ZSWIM5: variants seen among roughly 807,000 people sequenced by gnomAD.
ZSWIM5 encodes zinc finger SWIM domain-containing protein 5.
In ZSWIM5, 55 loss-of-function variants were observed where a neutral mutation model predicts 119.6. The ratio of observed to expected loss-of-function variants is 0.46; its 90% CI spans 0.37 to 0.58. The LOEUF (loss-of-function observed/expected upper bound fraction) is 0.58. Among genes scored for constraint, ZSWIM5 ranks in the 20% least tolerant of loss-of-function variants. ZSWIM5 has a pLI of 0.00. For missense variants in ZSWIM5, 1,193 were observed against 1,512.8 expected (o/e 0.79, Z 3.51); for synonymous variants, 537 against 606.9 (o/e 0.88, Z 1.69).
At chr1:45,142,493 A>G (rs1263127405) in intron 1 of ZSWIM5, among the ~76,000 whole-genome samples, 1 of 152,100 alleles carries the variant, frequency 6.6e-6, no homozygotes, top group Non-Finnish European at 1.5e-5. Context: ...CTTGGACCAC[A>G]GGTACATGCC....
chr1:45,128,178 AAAG>A (rs1645632214), intron 1 of ZSWIM5, among the ~76,000 whole-genome samples: 1 of 151,860 alleles, frequency 6.6e-6, no homozygotes, highest in Non-Finnish European at 1.5e-5. Flanking sequence ...AAATACGGAA[AAAG>A]AAGAATAAGG....
chr1:45,100,781 C>A (rs1570097745), intron 1 of ZSWIM5, among the ~76,000 whole-genome samples: 4 of 152,046 alleles, frequency 2.6e-5, no homozygotes, highest in Admixed American at 2.6e-4. Flanking sequence ...ACAAACCTGA[C>A]AAAAACAAGA....
At chr1:45,085,324 G>C (rs973123301) in intron 2 of ZSWIM5, among the ~76,000 whole-genome samples, 3 of 152,112 alleles carry the variant, frequency 2.0e-5, no homozygotes, top group Admixed American at 6.5e-5. Flanking sequence ...TGATGGGAGG[G>C]GCTGCCATGA....
At chr1:45,031,056 C>T (rs1184682845) in intron 11 of ZSWIM5, among the ~76,000 whole-genome samples, 1 of 152,038 alleles carries the variant, frequency 6.6e-6, no homozygotes, top group African/African-American at 2.4e-5. Flanking sequence ...ACCTCGGCTC[C>T]CACAGTGCTG....
chr1:45,168,744 T>G (rs1645926679), intron 1 of ZSWIM5, among the ~76,000 whole-genome samples: 3 of 151,806 alleles, frequency 2.0e-5, no homozygotes, highest in Non-Finnish European at 4.4e-5. Flanking sequence ...AAGTTAGTTT[T>G]GAAAATAGGA....
intron 1 of ZSWIM5, among the ~76,000 whole-genome samples, chr1:45,153,915 T>G (rs1411994077): frequency 1.3e-5 from 2 of 152,052 alleles, no homozygotes; most frequent in South Asian, 2.1e-4. Context: ...GGATACAAAA[T>G]TAATGTACAC....
At chr1:45,150,186 A>AAAAAAG (rs1435595134) in intron 1 of ZSWIM5, among the ~76,000 whole-genome samples, 15 of 150,662 alleles carry the variant, frequency 1.0e-4, no homozygotes, top group African/African-American at 2.7e-4. Context: ...AAAAAAAAAA[A>AAAAAAG]AAAAAGAAAA....
chr1:45,070,164 G>A, intron 2 of ZSWIM5: 2 of 1,256,806 alleles, frequency 1.6e-6, no homozygotes, highest in Middle Eastern at 1.9e-4. Flanking sequence ...GAAGCTGGAT[G>A]CAAGTCCTTC....
intron 1 of ZSWIM5, among the ~76,000 whole-genome samples, chr1:45,174,739 CA>C (rs1304741417): frequency 6.6e-6 from 1 of 150,996 alleles, no homozygotes; most frequent in Non-Finnish European, 1.5e-5. Context: ...GATTCTGTCT[CA>C]AAAAAAAGAA....
chr1:45,047,104 G>A (rs928925035), intron 5 of ZSWIM5, among the ~76,000 whole-genome samples: 25 of 152,040 alleles, frequency 1.6e-4, no homozygotes, highest in South Asian at 4.2e-4. Context: ...AAATGGGGTA[G>A]AGACAGTAAA....
intron 11 of ZSWIM5, among the ~76,000 whole-genome samples, chr1:45,021,099 G>A (rs534642837): frequency 1.3e-5 from 2 of 151,598 alleles, no homozygotes; most frequent in African/African-American, 4.8e-5. Context: ...GCAGTGGCTT[G>A]ATCTCGGCTC....
In ZSWIM5 at chr1:45,088,768, G is replaced by A. The variant is rs564903893; in HGVS notation, c.596-531C>T. Among the ~76,000 whole-genome samples the A allele has an allele frequency of 4.1e-4, 62 of 152,186 alleles. No individual in the cohort carries two copies. The highest frequency in any genetic ancestry group is 1.4e-3 in the African/African-American group (59 of 41,530). The stretch of plus-strand genomic sequence containing the variant: ...TCTTCTTTAAAACATAAAATTTCAC[G>A]TGGAATACATAAAAGGCAAGAAATT... On this transcript the variant is annotated intron_variant, in intron 1 of 13. Coordinates refer to ENST00000359600, the MANE Select transcript of ZSWIM5 (RefSeq NM_020883.2). The surrounding 1 kb of genome is among the most constrained non-coding windows in gnomAD (Gnocchi z 4.2).
chr1:45,160,424 C>T (rs1344205432), intron 1 of ZSWIM5, among the ~76,000 whole-genome samples: 4 of 152,120 alleles, frequency 2.6e-5, no homozygotes, highest in South Asian at 4.1e-4. Flanking sequence ...CTCTTTACCC[C>T]ACCTTCCTAC....
intron 11 of ZSWIM5, among the ~76,000 whole-genome samples, chr1:45,022,489 A>T (rs1644893873): frequency 6.6e-6 from 1 of 152,152 alleles, no homozygotes; most frequent in African/African-American, 2.4e-5. Context: ...TATGAATAGA[A>T]AATCTCCAGG....
intron 1 of ZSWIM5, among the ~76,000 whole-genome samples, chr1:45,129,979 C>T (rs1226728): frequency 0.15 from 22,627 of 151,962 alleles, 2,147 homozygotes; most frequent in African/African-American, 0.26. Context: ...CTCACTGCAA[C>T]CTCCGCCTCC....
intron 1 of ZSWIM5, among the ~76,000 whole-genome samples, chr1:45,192,826 T>A (rs902170674): frequency 1.3e-5 from 2 of 152,178 alleles, no homozygotes; most frequent in African/African-American, 4.8e-5. Context: ...TCTGGCTTTT[T>A]AAAAAAATAA....
chr1:45,134,771 C>T (rs1221965516), intron 1 of ZSWIM5, among the ~76,000 whole-genome samples: 1 of 152,196 alleles, frequency 6.6e-6, no homozygotes, highest in African/African-American at 2.4e-5. Context: ...GGTGCAGTGG[C>T]TCACACCTGT....
rs1644855326 is a variant in ZSWIM5, at chr1:45,016,588, AAT to A, written c.*1864_*1865del. The A allele has an allele frequency of 6.6e-6, 1 of 152,170 alleles. No homozygotes were observed. Among genetic ancestry groups the A allele is most frequent in the African/African-American group, 2.4e-5 (1 of 41,428 alleles). The allele number at this position is 152,170 out of a possible 1,614,324, so 9.4% of individuals were successfully genotyped here. A position where few individuals can be genotyped will look rare whatever the true frequency, so the allele number is the denominator to read the frequency against. On this transcript the variant is annotated 3_prime_UTR_variant, in exon 14 of 14. Transcript: ENST00000359600. ...GGACAGTAAGACTTGAGTAGCCACAAATGGCAAATACAACTTCTTGGTCAGTT... is the reference window on the plus strand; with the variant it reads ...GGACAGTAAGACTTGAGTAGCCACAAGGCAAATACAACTTCTTGGTCAGTT...
At chr1:45,180,367 C>T (rs1051772478) in intron 1 of ZSWIM5, among the ~76,000 whole-genome samples, 10 of 152,172 alleles carry the variant, frequency 6.6e-5, no homozygotes, top group African/African-American at 1.2e-4. Context: ...AAGGCAGCAG[C>T]GAGGCTGGGG....
Sources: gnomAD v4.1 joint callset for allele counts (sites outside exome capture counted in the v4.1 genomes callset) on GRCh38, gnomAD v4.1.1 for gene constraint, Gnocchi (gnomAD v3.1) non-coding constraint, MANE v1.5 for transcripts, NCBI Gene and HGNC (gene_info 2026-07-23, HGNC 2026-07-21) for gene names.